LHFPL3: variants seen among roughly 807,000 people sequenced by gnomAD.
LHFPL3 encodes the protein LHFPL tetraspan subfamily member 3 protein.
LHFPL3 carries 5 observed loss-of-function variants against 19.3 expected under a neutral mutation model. The ratio of observed to expected loss-of-function variants is 0.26; its 90% confidence interval spans 0.14 to 0.54. LHFPL3 has a LOEUF of 0.54. Ranked by LOEUF, LHFPL3 falls within the 20% of genes least tolerant of loss-of-function variation. The pLI, the probability that LHFPL3 is intolerant of heterozygous loss-of-function variation, is 0.94. For missense variants in LHFPL3, 249 were observed against 307.4 expected (o/e 0.81, Z 1.42); for synonymous variants, 133 against 126.2 (o/e 1.05, Z -0.36).
At position 104,884,340 on chromosome 7, in the gene LHFPL3, T is replaced by C. The variant is rs114009495; in HGVS notation, c.683-21847T>C. Among the ~76,000 whole-genome samples the C allele has an allele frequency of 6.2e-3, 947 of 152,304 alleles. 11 individuals carry two copies. Among genetic ancestry groups the C allele is most frequent in the African/African-American group, 0.021 (893 of 41,548 alleles). On this transcript the variant is annotated intron_variant, in intron 2 of 2. Transcript: ENST00000424859. ...TGGCAGCTTGCCAAGCATGTCCTCC[T>C]GAGATAGGCCCTCTGACCGCTCCCC...
At chr7:104,475,803 G>A (rs895800489) in intron 1 of LHFPL3, among the ~76,000 whole-genome samples, 3 of 152,104 alleles carry the variant, frequency 2.0e-5, no homozygotes, top group Non-Finnish European at 2.9e-5. Flanking sequence ...AAATGATTTC[G>A]GGGAAGGCTT....
chr7:104,565,788 C>G (rs1584406275), intron 1 of LHFPL3, among the ~76,000 whole-genome samples: 1 of 150,080 alleles, frequency 6.7e-6, no homozygotes, highest in Admixed American at 6.7e-5. Flanking sequence ...ATCTATCTGT[C>G]TAATCTATCT....
chr7:104,708,126 G>A (rs1004171978), intron 1 of LHFPL3, among the ~76,000 whole-genome samples: 13 of 152,122 alleles, frequency 8.5e-5, no homozygotes, highest in Admixed American at 7.2e-4. Flanking sequence ...AATACCCATC[G>A]CCATATAGAA....
At chr7:104,740,069 G>A (rs981809710) in intron 2 of LHFPL3, among the ~76,000 whole-genome samples, 2 of 152,156 alleles carry the variant, frequency 1.3e-5, no homozygotes, top group Non-Finnish European at 2.9e-5. Context: ...CATGAGATCC[G>A]ATGGTTTTAT....
intron 1 of LHFPL3, among the ~76,000 whole-genome samples, chr7:104,531,831 C>T (rs891667151): frequency 1.3e-5 from 2 of 152,094 alleles, no homozygotes; most frequent in African/African-American, 4.8e-5. Flanking sequence ...GGCTCTCCTC[C>T]TGGTGGTTTT....
chr7:104,498,118 A>G (rs1443611521), intron 1 of LHFPL3, among the ~76,000 whole-genome samples: 2 of 152,244 alleles, frequency 1.3e-5, no homozygotes, highest in African/African-American at 2.4e-5. Flanking sequence ...AAACTCTTAC[A>G]TAAGTACAAA....
At chr7:104,657,910 T>TA (rs1792148651) in intron 1 of LHFPL3, among the ~76,000 whole-genome samples, 1 of 152,266 alleles carries the variant, frequency 6.6e-6, no homozygotes, top group South Asian at 2.1e-4. Context: ...ATTTGGCTAC[T>TA]AACTTGCCAG....
chr7:104,515,080 G>T (rs1239932690), intron 1 of LHFPL3, among the ~76,000 whole-genome samples: 1 of 152,158 alleles, frequency 6.6e-6, no homozygotes, highest in Non-Finnish European at 1.5e-5. Flanking sequence ...TTTCTCCCCA[G>T]ATGTGGCCTG....
At chr7:104,596,415 G>A (rs1385344469) in intron 1 of LHFPL3, among the ~76,000 whole-genome samples, 1 of 152,198 alleles carries the variant, frequency 6.6e-6, no homozygotes, top group Non-Finnish European at 1.5e-5. Flanking sequence ...TTCCATTTGT[G>A]AAGATGTGGA....
intron 2 of LHFPL3, among the ~76,000 whole-genome samples, chr7:104,760,298 T>C (rs1468103303): frequency 6.6e-6 from 1 of 152,230 alleles, no homozygotes; most frequent in Non-Finnish European, 1.5e-5. Flanking sequence ...CTGTCTATTG[T>C]TATTTCTTTA....
At chr7:104,748,685 C>T (rs928023300) in intron 2 of LHFPL3, among the ~76,000 whole-genome samples, 3 of 152,060 alleles carry the variant, frequency 2.0e-5, no homozygotes, top group Non-Finnish European at 4.4e-5. Flanking sequence ...GACACATCCC[C>T]CTCTTGGAGA....
intron 2 of LHFPL3, among the ~76,000 whole-genome samples, chr7:104,844,144 T>C (rs2116596859): frequency 6.6e-6 from 1 of 152,278 alleles, no homozygotes; most frequent in East Asian, 1.9e-4. Context: ...GCTAATGAAA[T>C]GGTTCTGGGA....
intron 1 of LHFPL3, chr7:104,622,945 G>C (rs1023324840): frequency 3.3e-6 from 1 of 307,060 alleles, no homozygotes; most frequent in Non-Finnish European, 6.6e-6. Flanking sequence ...GAGGGTTCCA[G>C]GTTTTATTTT....
intron 2 of LHFPL3, among the ~76,000 whole-genome samples, chr7:104,881,016 A>G (rs1792043271): frequency 1.3e-5 from 2 of 152,074 alleles, no homozygotes; most frequent in Admixed American, 6.6e-5. Context: ...TGAAAATACA[A>G]AATATTAGCC....
chr7:104,459,953 C>T (rs532617472), intron 1 of LHFPL3, among the ~76,000 whole-genome samples: 1 of 152,136 alleles, frequency 6.6e-6, no homozygotes, highest in Non-Finnish European at 1.5e-5. Context: ...TACTTCATCA[C>T]CCAGGTGCTA....
At chr7:104,590,922 A>T (rs1790703876) in intron 1 of LHFPL3, among the ~76,000 whole-genome samples, 1 of 152,120 alleles carries the variant, frequency 6.6e-6, no homozygotes, top group Non-Finnish European at 1.5e-5. Flanking sequence ...TTTATCAGAG[A>T]CTAGGATTGC....
intron 1 of LHFPL3, among the ~76,000 whole-genome samples, chr7:104,618,243 C>T (rs1222521407): frequency 1.3e-5 from 2 of 152,152 alleles, no homozygotes; most frequent in Non-Finnish European, 2.9e-5. Context: ...TAATGACATT[C>T]TATAATTAAG....
chr7:104,848,908 TTTG>T (rs576172307), intron 2 of LHFPL3, among the ~76,000 whole-genome samples: 17 of 151,112 alleles, frequency 1.1e-4, no homozygotes, highest in South Asian at 2.1e-4. Context: ...TGGTTTTTTT[TTTG>T]TTGTTGTTGT....
At chr7:104,448,793 T>C (rs1197581733) in intron 1 of LHFPL3, among the ~76,000 whole-genome samples, 3 of 152,198 alleles carry the variant, frequency 2.0e-5, no homozygotes, top group Non-Finnish European at 2.9e-5. Context: ...CTTTAAAGAA[T>C]GGAAAGAAAT....
Sources: allele counts gnomAD v4.1 joint callset (sites outside exome capture counted in the v4.1 genomes callset), GRCh38; gene constraint gnomAD v4.1.1; transcripts MANE v1.5; gene names NCBI Gene and HGNC (gene_info 2026-07-23, HGNC 2026-07-21).